The following RBFOX3 variants were observed in gnomAD, a reference collection of about 807,000 sequenced individuals.
RBFOX3 encodes the protein RNA binding protein fox-1 homolog 3.
RBFOX3 carries 17 observed loss-of-function variants against 48.7 expected under a neutral mutation model. The ratio of observed to expected loss-of-function variants is 0.35; its 90% CI spans 0.24 to 0.52. The LOEUF is 0.52. Among genes scored for constraint, RBFOX3 ranks in the 20% least tolerant of loss-of-function variants. The pLI is 0.94. For synonymous variants in RBFOX3, 212 were observed against 209.5 expected, an observed-to-expected ratio of 1.01 and a Z score of -0.10; for missense variants, 382 against 497.5, an observed-to-expected ratio of 0.77 and a Z score of 2.21.
intron 1 of RBFOX3, among the ~76,000 whole-genome samples, chr17:79,569,458 C>T (rs1197464956): frequency 1.3e-5 from 2 of 152,178 alleles, no homozygotes; most frequent in East Asian, 1.9e-4. Flanking sequence ...GGATATACTA[C>T]ATTTTGTTTG....
At chr17:79,097,607 C>CCAAA in intron 10 of RBFOX3, 85 bp downstream of exon 10, 1 of 1,324,992 alleles carries the variant, frequency 7.5e-7, no homozygotes, top group Non-Finnish European at 1.0e-6. Flanking sequence ...GGCCCCGCCC[C>CCAAA]TCATGCCCCG....
chr17:79,564,029 C>G (rs909970833), intron 1 of RBFOX3, among the ~76,000 whole-genome samples: 1 of 152,200 alleles, frequency 6.6e-6, no homozygotes, highest in Non-Finnish European at 1.5e-5. Context: ...TTTGCTTCCC[C>G]ACTGTGACAC....
intron 1 of RBFOX3, among the ~76,000 whole-genome samples, chr17:79,544,520 C>T (rs553917384): frequency 6.6e-6 from 1 of 152,066 alleles, no homozygotes; most frequent in Admixed American, 6.5e-5. Flanking sequence ...GGATCAGGAG[C>T]CCCCATCAAG....
rs1355316593 is a variant in RBFOX3, at chr17:79,418,131, G to T, written c.-175+64323C>A. Among the ~76,000 whole-genome samples, 1 of 152,216 alleles carries T rather than the reference G, an allele frequency of 6.6e-6. No individual in the cohort carries two copies. ...AGAAAGATGAGAACATTCTGGAGAT[G>T]GATGGTGATGGCCGCACAACAAGAT... On this transcript the variant is annotated intron_variant, in intron 2 of 14. Coordinates refer to ENST00000693108, the MANE Select transcript of RBFOX3 (RefSeq NM_001350451.2). This position sits in a 1 kb window ranked among gnomAD's most constrained non-coding sequence, Gnocchi z 5.0.
chr17:79,323,216 G>A (rs2078806976), intron 2 of RBFOX3, among the ~76,000 whole-genome samples: 1 of 152,228 alleles, frequency 6.6e-6, no homozygotes. Flanking sequence ...GCACTGGCAT[G>A]CAACAGGAGC....
chr17:79,662,187 A>G, the RBFOX3 span, among the ~76,000 whole-genome samples: 1 of 121,224 alleles, frequency 8.2e-6, no homozygotes, highest in Non-Finnish European at 1.6e-5. Flanking sequence ...CGGTGGTGCA[A>G]TCTCTGCTCA....
intron 2 of RBFOX3, among the ~76,000 whole-genome samples, chr17:79,345,708 AT>A (rs374698467): frequency 6.6e-4 from 101 of 151,928 alleles, no homozygotes; most frequent in African/African-American, 2.2e-3. Flanking sequence ...AACATTTTTG[AT>A]ACTAATCTTT....
intron 2 of RBFOX3, among the ~76,000 whole-genome samples, chr17:79,455,323 C>A (rs910217009): frequency 5.9e-5 from 9 of 152,186 alleles, no homozygotes; most frequent in East Asian, 1.9e-4. Flanking sequence ...AGGAGAAATT[C>A]GGAAATTGTT....
intron 2 of RBFOX3, among the ~76,000 whole-genome samples, chr17:79,375,315 G>A (rs1242082637): frequency 3.3e-5 from 5 of 150,930 alleles, no homozygotes; most frequent in Non-Finnish European, 5.9e-5. Flanking sequence ...AGGGGACAGG[G>A]CCCTCCCTCT....
intron 2 of RBFOX3, among the ~76,000 whole-genome samples, chr17:79,399,866 T>C (rs1478441490): frequency 1.3e-5 from 2 of 152,208 alleles, no homozygotes; most frequent in African/African-American, 4.8e-5. Context: ...CAAGTGAACG[T>C]TGTCCTTAAC....
At chr17:79,307,425 A>G (rs543756323) in intron 3 of RBFOX3, among the ~76,000 whole-genome samples, 1 of 152,376 alleles carries the variant, frequency 6.6e-6, no homozygotes, top group East Asian at 1.9e-4. Context: ...ACCCAAGGAT[A>G]ATTAAAATTA....
intron 3 of RBFOX3, among the ~76,000 whole-genome samples, chr17:79,274,656 G>A (rs1256081826): frequency 1.3e-5 from 2 of 152,026 alleles, no homozygotes; most frequent in African/African-American, 4.8e-5. Context: ...CACCAGCGAG[G>A]GTCCCCTCAT....
chr17:79,269,043 C>T (rs2067220635), intron 3 of RBFOX3, among the ~76,000 whole-genome samples: 1 of 152,252 alleles, frequency 6.6e-6, no homozygotes, highest in African/African-American at 2.4e-5. Context: ...TAGCTAAGAT[C>T]AGGTCAGACT....
intron 1 of RBFOX3, among the ~76,000 whole-genome samples, chr17:79,483,833 T>C (rs1471922326): frequency 1.3e-5 from 2 of 152,172 alleles, no homozygotes; most frequent in Non-Finnish European, 2.9e-5. Context: ...TTAATACTTC[T>C]GGGTTTATTT....
intron 1 of RBFOX3, among the ~76,000 whole-genome samples, chr17:79,520,634 G>T (rs1480318403): frequency 3.3e-5 from 5 of 152,246 alleles, no homozygotes; most frequent in Non-Finnish European, 7.3e-5. Context: ...TCGGCCACCT[G>T]AGCCTGACAT....
chr17:79,431,820 C>T (rs2068514472), intron 2 of RBFOX3, among the ~76,000 whole-genome samples: 1 of 152,194 alleles, frequency 6.6e-6, no homozygotes, highest in Admixed American at 6.5e-5. Context: ...TATCTCTGAA[C>T]CATTACTATC....
rs921443269 is a variant in RBFOX3 at position 79,363,267 on chromosome 17, G to T, written c.-174-55443C>A. On this transcript the variant is annotated intron_variant, in intron 2 of 14. Coordinates refer to ENST00000693108, the MANE Select transcript of RBFOX3 (RefSeq NM_001350451.2). The surrounding 1 kb of genome is among the most constrained non-coding windows in gnomAD (Gnocchi z 4.7). ...ACATGGCTCACGGGTGACAGTTAGG[G>T]TCAATGTGCAGAAGAACCAGGGGAC... is the stretch of plus-strand genomic sequence containing the variant. 2.0e-5 allele frequency among the ~76,000 whole-genome samples: 3 copies of T among 152,128 alleles called. No individual in the cohort carries two copies. The highest frequency in any genetic ancestry group is 7.2e-5 in the African/African-American group (3 of 41,424).
At position 79,132,032 on chromosome 17, in the gene RBFOX3, G is replaced by A. The variant is rs541123238; in HGVS notation, c.-33-16284C>T. On this transcript the variant is annotated intron_variant, in intron 4 of 14. Transcript: ENST00000693108. ...CCAGCTTCACCTCCACCTACTCTGC[G>A]TCTTGCCTGGGGAAAATCAGCAAGG... 8.5e-5 allele frequency among the ~76,000 whole-genome samples: 13 copies of A among 152,300 alleles called. No homozygotes were observed. In the East Asian group the frequency reaches 2.3e-3, roughly 27 times the overall value.
At chr17:79,207,746 C>T (rs1869933) in intron 4 of RBFOX3, among the ~76,000 whole-genome samples, 66,020 of 151,932 alleles carry the variant, frequency 0.43, 16,390 homozygotes, top group Non-Finnish European at 0.55. Flanking sequence ...GGAACTTTCC[C>T]GTCGGCCACT....
Sources: allele counts gnomAD v4.1 joint callset (sites outside exome capture counted in the v4.1 genomes callset), GRCh38; gene constraint gnomAD v4.1.1; non-coding constraint Gnocchi (gnomAD v3.1); transcripts MANE v1.5; gene names NCBI Gene and HGNC (gene_info 2026-07-23, HGNC 2026-07-21).